The following CNTNAP2 variants were observed in gnomAD, a reference collection of about 807,000 sequenced individuals.
CNTNAP2 encodes contactin-associated protein-like 2.
A neutral mutation model predicts 155.2 loss-of-function variants in CNTNAP2; 98 were observed. The observed-to-expected ratio is 0.63, with a 90% CI of 0.54 to 0.75. The LOEUF is 0.75. CNTNAP2 is among the 30% of genes least tolerant of loss of function. CNTNAP2 has a pLI of 0.00. For missense variants in CNTNAP2, 1,727 were observed against 1,688.1 expected (o/e 1.02, Z -0.40); for synonymous variants, 651 against 631.2 (o/e 1.03, Z -0.47).
intron 1 of CNTNAP2, among the ~76,000 whole-genome samples, chr7:146,178,179 A>G (rs1798497361): frequency 1.3e-5 from 2 of 151,914 alleles, no homozygotes; most frequent in Admixed American, 1.3e-4. Context: ...GACTACAGGC[A>G]CCTGCCACCA....
At chr7:148,096,179 G>A (rs117305375) in intron 15 of CNTNAP2, among the ~76,000 whole-genome samples, 4,466 of 152,158 alleles carry the variant, frequency 0.029, 91 homozygotes, top group South Asian at 0.065. Flanking sequence ...TTCTGTTAGT[G>A]GAGGAATTAG....
intron 10 of CNTNAP2, among the ~76,000 whole-genome samples, chr7:147,440,420 T>C (rs1797617562): frequency 6.6e-6 from 1 of 152,168 alleles, no homozygotes. Flanking sequence ...TATCACACTG[T>C]ACCATATGTC....
At chr7:147,933,454 A>T (rs1331519226) in intron 14 of CNTNAP2, among the ~76,000 whole-genome samples, 1 of 152,080 alleles carries the variant, frequency 6.6e-6, no homozygotes, top group Admixed American at 6.6e-5. Context: ...GATACAGAAA[A>T]TATGGTATAT....
chr7:147,538,779 T>G (rs1799591835), intron 11 of CNTNAP2, among the ~76,000 whole-genome samples: 1 of 141,428 alleles, frequency 7.1e-6, no homozygotes, highest in Non-Finnish European at 1.6e-5. Flanking sequence ...TTTATGCCAG[T>G]TTTTTTTCCT....
At chr7:147,152,533 CTTG>C (rs1225073150) in intron 8 of CNTNAP2, among the ~76,000 whole-genome samples, 1 of 151,942 alleles carries the variant, frequency 6.6e-6, no homozygotes, top group Non-Finnish European at 1.5e-5. Context: ...TATTAGACTT[CTTG>C]TTGTTATTAT....
At chr7:147,726,904 T>C (rs1417653734) in intron 13 of CNTNAP2, among the ~76,000 whole-genome samples, 1 of 152,032 alleles carries the variant, frequency 6.6e-6, no homozygotes, top group Non-Finnish European at 1.5e-5. Flanking sequence ...AGCTGTAGTT[T>C]CTGTTTCTAA....
At chr7:147,110,727 A>G (rs541830524) in intron 5 of CNTNAP2, among the ~76,000 whole-genome samples, 1 of 152,320 alleles carries the variant, frequency 6.6e-6, no homozygotes, top group African/African-American at 2.4e-5. Context: ...ATGGCTGCGT[A>G]GTATTCCATG....
rs1029984432 is a variant in CNTNAP2 at position 146,973,036 on chromosome 7, C to G, written c.403-70871C>G. 3.2e-4 allele frequency among the ~76,000 whole-genome samples: 49 copies of G among 152,182 alleles called. 1 individual carries two copies. The highest frequency in any genetic ancestry group is 2.4e-4 in the Non-Finnish European group (16 of 67,988). ...CACTGGTTATGTTTCGTTTCTCTCT[C>G]TCTCTTTTTTAAAGGAAGTTTTGCT... On this transcript the variant is annotated intron_variant, in intron 3 of 23. Transcript: ENST00000361727.
At chr7:147,451,168 C>T (rs747051179) in intron 10 of CNTNAP2, among the ~76,000 whole-genome samples, 2 of 152,114 alleles carry the variant, frequency 1.3e-5, no homozygotes, top group Non-Finnish European at 2.9e-5. Context: ...ATTAATGTCT[C>T]CTTACATGAT....
chr7:147,855,171 T>C (rs965132966), intron 13 of CNTNAP2, among the ~76,000 whole-genome samples: 3 of 152,118 alleles, frequency 2.0e-5, no homozygotes, highest in Admixed American at 6.5e-5. Context: ...CACCCTCTAG[T>C]TGGTGTGTAA....
chr7:147,116,357 C>T (rs1800989089), intron 5 of CNTNAP2, among the ~76,000 whole-genome samples: 2 of 152,178 alleles, frequency 1.3e-5, no homozygotes, highest in Admixed American at 1.3e-4. Flanking sequence ...AGCCACTGTG[C>T]TGTGTTGGAG....
At chr7:148,297,828 G>T (rs760122413) in intron 21 of CNTNAP2, among the ~76,000 whole-genome samples, 4 of 151,996 alleles carry the variant, frequency 2.6e-5, no homozygotes, top group Admixed American at 6.5e-5. Flanking sequence ...CCTCTTCTTT[G>T]CCTTTCCCCA....
At chr7:146,256,256 A>G (rs1584830788) in intron 1 of CNTNAP2, among the ~76,000 whole-genome samples, 2 of 152,132 alleles carry the variant, frequency 1.3e-5, no homozygotes, top group East Asian at 1.9e-4. Flanking sequence ...ATTTCATTAA[A>G]TGTTCTATTA....
chr7:147,890,962 G>A (rs547464763), intron 13 of CNTNAP2, among the ~76,000 whole-genome samples: 1 of 152,254 alleles, frequency 6.6e-6, no homozygotes, highest in African/African-American at 2.4e-5. Context: ...AGTACGTGAG[G>A]TAATGCGTAT....
intron 9 of CNTNAP2, among the ~76,000 whole-genome samples, chr7:147,313,213 C>G (rs1192555049): frequency 1.3e-5 from 2 of 152,042 alleles, no homozygotes; most frequent in East Asian, 3.9e-4. Context: ...TTTGTAGGTT[C>G]CCATCCCACT....
intron 3 of CNTNAP2, among the ~76,000 whole-genome samples, chr7:146,939,934 G>A (rs1022708421): frequency 5.9e-5 from 9 of 152,078 alleles, no homozygotes; most frequent in East Asian, 3.9e-4. Flanking sequence ...GCTTTGAATA[G>A]TGTCGGCTTG....
intron 3 of CNTNAP2, among the ~76,000 whole-genome samples, chr7:146,961,291 G>A (rs749683148): frequency 2.0e-5 from 3 of 152,126 alleles, no homozygotes; most frequent in Admixed American, 6.5e-5. Context: ...TCCGGGGCAG[G>A]TCCCCTAGGT....
intron 16 of CNTNAP2, among the ~76,000 whole-genome samples, chr7:148,126,463 GT>G (rs1181490593): frequency 6.6e-6 from 1 of 152,188 alleles, no homozygotes; most frequent in Non-Finnish European, 1.5e-5. Flanking sequence ...GGAATAATAT[GT>G]GGAAAGGTGG....
chr7:147,589,636 A>C (rs1800700982), intron 12 of CNTNAP2, among the ~76,000 whole-genome samples: 1 of 152,070 alleles, frequency 6.6e-6, no homozygotes, highest in Non-Finnish European at 1.5e-5. Flanking sequence ...TATTGCCAAG[A>C]CTCATCCATA....
Sources: allele counts gnomAD v4.1 joint callset (sites outside exome capture counted in the v4.1 genomes callset), GRCh38; gene constraint gnomAD v4.1.1; transcripts MANE v1.5; gene names NCBI Gene and HGNC (gene_info 2026-07-23, HGNC 2026-07-21).